Variants in HSPG2 observed in about 807,000 individuals in gnomAD.
HSPG2 encodes heparan sulfate proteoglycan 2, also known as basement membrane-specific heparan sulfate proteoglycan core protein.
Under a neutral mutation model 526.6 loss-of-function variants are expected in HSPG2, and 278 were observed. That is an observed-to-expected ratio of 0.53 (90% CI 0.48 to 0.58). The LOEUF (loss-of-function observed/expected upper bound fraction) is 0.58, where lower values mean the gene tolerates loss of function less well. Ranked by LOEUF, HSPG2 falls within the 20% of genes least tolerant of loss-of-function variation. The pLI, the probability that HSPG2 is intolerant of heterozygous loss-of-function variation, is 0.00. For missense variants in HSPG2, 5,354 were observed against 6,099.5 expected, an observed-to-expected ratio of 0.88 and a Z score of 4.07; for synonymous variants, 2,465 against 2,555.4, an observed-to-expected ratio of 0.96 and a Z score of 1.07.
At position 21,876,382 on chromosome 1, in the gene HSPG2, A is replaced by G. The variant is rs115322282; in HGVS notation, c.2850T>C (p.Pro950=). 6.2e-4 allele frequency: 1,006 copies of G among 1,611,550 alleles called. 5 individuals are homozygous for G. In the African/African-American group the frequency reaches 0.012, roughly 19 times the overall value. Residue 950 remains proline, a synonymous_variant, in exon 23 of 97, where the codon CCT becomes CCC. Coordinates refer to ENST00000374695, the MANE Select transcript of HSPG2 (RefSeq NM_005529.7). ...CGGCGTTGGTCAGGCTGAAGTGACC[A>G]GGCTCCTCAGAGGCCCCATGCAACT... ...RAQLHGASEE[P]GHFSLTNAAS...
At chr1:21,920,186 C>T (rs1488790886) in intron 1 of HSPG2, among the ~76,000 whole-genome samples, 1 of 152,222 alleles carries the variant, frequency 6.6e-6, no homozygotes, top group Non-Finnish European at 1.5e-5. Context: ...GGATTACAGG[C>T]GTGAGCCACC....
chr1:21,832,258 A>C (rs1475309506), intron 81 of HSPG2, among the ~76,000 whole-genome samples: 4 of 152,212 alleles, frequency 2.6e-5, no homozygotes, highest in Admixed American at 6.5e-5. Context: ...TGCATGCATG[A>C]ATGAATGAAT....
chr1:21,823,399 G>A lies in HSPG2; in HGVS notation c.13093C>T (p.Arg4365Ter), dbSNP rs775388269. The A allele has an allele frequency of 3.6e-5, 56 of 1,567,148 alleles. No individual in the cohort carries two copies. The highest frequency in any genetic ancestry group is 8.1e-5 in the African/African-American group (6 of 74,130). Residue 4365 changes from arginine (R) to a stop codon, truncating the protein, a stop_gained, in exon 97 of 97, where the codon CGA becomes TGA. Coordinates refer to ENST00000374695, the MANE Select transcript of HSPG2 (RefSeq NM_005529.7). LOFTEE classifies it high-confidence loss of function. ...CVKNLVLHSARPGAPPPQPLD... is the reference protein window; with the variant it reads ...CVKNLVLHSA ...GGCTGTGGGGGCGGGGCGCCGGGTC[G>A]GGCCGAGTGCAGCACCAGGTTCTTG...
In HSPG2 at chr1:21,864,980, A is replaced by T. The variant is rs138460117; in HGVS notation, c.4489T>A (p.Phe1497Ile). ...DLDELLIRATFSSVPLAASIS... is the reference protein window; with the variant it reads ...DLDELLIRATISSVPLAASIS... ...CTGGCCGCCAGCGGCACGGAGGAGA[A>T]CGTGGCCCGGATCAGGAGCTCATCC... Residue 1497 changes from phenylalanine to isoleucine, a missense_variant, in exon 36 of 97, where the codon TTC becomes ATC. Transcript: ENST00000374695. This position sits in a 1 kb window ranked among gnomAD's most constrained non-coding sequence, Gnocchi z 4.8. The T allele has an allele frequency of 1.8e-3, 2,865 of 1,590,636 alleles. 12 individuals carry two copies. The highest frequency in any genetic ancestry group is 1.8e-3 in the Non-Finnish European group (2,113 of 1,170,624).
chr1:21,826,667 G>C (rs760115376), intron 91 of HSPG2, among the ~76,000 whole-genome samples: 1 of 151,910 alleles, frequency 6.6e-6, no homozygotes, highest in Non-Finnish European at 1.5e-5. Flanking sequence ...GTGCCACCAC[G>C]CCCAGCTAAT....
intron 57 of HSPG2, 111 bp from the exon 58 acceptor site, chr1:21,849,142 T>A (rs1461285817): frequency 1.1e-5 from 14 of 1,311,912 alleles, no homozygotes; most frequent in Non-Finnish European, 1.5e-5. Context: ...TGGAACTCGA[T>A]GGAAACTCTT....
intron 1 of HSPG2, among the ~76,000 whole-genome samples, chr1:21,920,055 C>G (rs55636106): frequency 4.4e-4 from 67 of 152,264 alleles, no homozygotes; most frequent in African/African-American, 1.5e-3. Flanking sequence ...TACAGGCATG[C>G]ACCACCACAC....
rs766686915 is a variant in HSPG2 at position 21,875,656 on chromosome 1, G to A, written c.3275C>T (p.Ser1092Phe). The A allele has an allele frequency of 4.8e-5, 77 of 1,602,690 alleles. 3 individuals are homozygous for A. The South Asian group carries it at 7.7e-4, about 16-fold the overall frequency. The part of the protein sequence containing the change: ...AGIDTLLIRA[S>F]YAQQPAESRV... ...GCTCTCAGCGGGCTGCTGGGCGTAGGATGCTCGGATCAGGAGGGTGTCGAT... is the reference window on the plus strand; with the variant it reads ...GCTCTCAGCGGGCTGCTGGGCGTAGAATGCTCGGATCAGGAGGGTGTCGAT... Residue 1092 changes from serine to phenylalanine, a missense_variant, in exon 25 of 97, where the codon TCC becomes TTC. Transcript: ENST00000374695.
chr1:21,844,020 T>A, intron 65 of HSPG2, 128 bp downstream of exon 65: 1 of 1,278,994 alleles, frequency 7.8e-7, no homozygotes, highest in Non-Finnish European at 1.1e-6. Flanking sequence ...AACTTCCTGA[T>A]TCCATTGACC....
In HSPG2 at chr1:21,864,792, G is replaced by T; in HGVS notation, c.4626+51C>A. 1 of 1,479,878 alleles carries T rather than the reference G, an allele frequency of 6.8e-7. No homozygotes were observed. The highest frequency in any genetic ancestry group is 9.3e-7 in the Non-Finnish European group (1 of 1,074,084). The allele number at this position is 1,479,878 out of a possible 1,614,324, so 91.7% of individuals were successfully genotyped here. A position where few individuals can be genotyped will look rare whatever the true frequency, so the allele number is the denominator to read the frequency against. On this transcript the variant is annotated intron_variant, in intron 36 of 96. Coordinates refer to ENST00000374695, the MANE Select transcript of HSPG2 (RefSeq NM_005529.7). This position sits in a 1 kb window ranked among gnomAD's most constrained non-coding sequence, Gnocchi z 4.8. ...TGCGGCGACGCCGGCTGATTTGCTTGCTGATGCCTCTGTGCCTGTGCAGAG... is the reference window on the plus strand; with the variant it reads ...TGCGGCGACGCCGGCTGATTTGCTTTCTGATGCCTCTGTGCCTGTGCAGAG...
In HSPG2 at chr1:21,887,501, G is replaced by T; in HGVS notation, c.877C>A (p.Arg293Ser). 6.2e-7 allele frequency: 1 copy of T among 1,614,034 alleles called. No homozygotes were observed. ...LPCGPQEAACRNGHCIPRDYL... is the reference protein window; with the variant it reads ...LPCGPQEAACSNGHCIPRDYL... The stretch of plus-strand genomic sequence containing the variant: ...TCTCTGGGGATGCAGTGCCCATTGC[G>T]GCATGCGGCCTCCTGGGGCCCACAG... The change falls in exon 8 of 97, where the codon CGC (arginine) becomes AGC (serine). Residue 293 changes from arginine to serine, a missense_variant. Physicochemically the swap from Arg to Ser is moderately radical, Grantham distance 110. Transcript: ENST00000374695. This position sits in a 1 kb window ranked among gnomAD's most constrained non-coding sequence, Gnocchi z 5.0.
Position 21,890,742 on chromosome 1 carries a change from A to T in HSPG2, c.245-48T>A, listed in dbSNP as rs760522600. On this transcript the variant is annotated intron_variant, in intron 3 of 96. Transcript: ENST00000374695. The surrounding 1 kb of genome is among the most constrained non-coding windows in gnomAD (Gnocchi z 4.1). ...TTTTGAGAGCCCCAGCCTGGCATCT[A>T]GTGGCCTTAGGCAGTTGGACCATTC... is the stretch of plus-strand genomic sequence containing the variant. 7.0e-7 allele frequency: 1 copy of T among 1,423,532 alleles called. No homozygotes were observed. The highest frequency in any genetic ancestry group is 9.9e-7 in the Non-Finnish European group (1 of 1,013,308). 88.2% of individuals were successfully genotyped at this position (1,423,532 alleles called of 1,614,324 possible).
At chr1:21,854,388 C>T in intron 49 of HSPG2, 45 bp from the exon 50 acceptor site, 1 of 1,549,614 alleles carries the variant, frequency 6.5e-7, no homozygotes, top group Non-Finnish European at 8.7e-7. Flanking sequence ...GGGACGGGGG[C>T]TATTGTCACC....
chr1:21,887,976 C>T lies in HSPG2; in HGVS notation c.665G>A (p.Arg222Gln), dbSNP rs762529271. ...CVALEYRCDR[R>Q]PDCRDMSDEL... is the part of the protein sequence containing the mutation. ...ATCAGACATGTCCCTGCAGTCGGGCCGCCGGTCACAGCGATACTCCAGGGC... is the reference window on the plus strand; with the variant it reads ...ATCAGACATGTCCCTGCAGTCGGGCTGCCGGTCACAGCGATACTCCAGGGC... The change falls in exon 7 of 97, where the codon CGG becomes CAG. Residue 222 changes from arginine to glutamine, a missense_variant. Arg to Gln is a conservative substitution (Grantham distance 43). Coordinates refer to ENST00000374695, the MANE Select transcript of HSPG2 (RefSeq NM_005529.7). The surrounding 1 kb of genome is among the most constrained non-coding windows in gnomAD (Gnocchi z 5.0). 3.6e-5 allele frequency: 58 copies of T among 1,614,068 alleles called. 1 individual carries two copies. Among genetic ancestry groups the T allele is most frequent in the South Asian group, 9.9e-5 (9 of 91,088 alleles).
chr1:21,905,259 ACC>A (rs1643316116), intron 1 of HSPG2, among the ~76,000 whole-genome samples: 1 of 133,362 alleles, frequency 7.5e-6, no homozygotes, highest in Non-Finnish European at 1.7e-5. Context: ...ACCCACACAC[ACC>A]CACACACACA....
rs1014626423 is a variant in HSPG2, at chr1:21,855,536, C to A, written c.5841G>T (p.Val1947=). 7 of 1,607,724 alleles carry A rather than the reference C, an allele frequency of 4.4e-6. No homozygotes were observed. The African/African-American group carries it at 8.0e-5, about 18-fold the overall frequency. ...CCGGCCTCTCACCATGCACGTGGAG[C>A]ACAGCCCTGGCCACCTGCTGCCCAG... ...SSAGQQVARA[V]LHVHGGGGPR... The change falls in exon 46 of 97, where the codon GTG becomes GTT. Residue 1947 remains valine (V), a synonymous_variant. Coordinates refer to ENST00000374695, the MANE Select transcript of HSPG2 (RefSeq NM_005529.7).
At position 21,880,401 on chromosome 1, in the gene HSPG2, G is replaced by C. The variant is rs758792000; in HGVS notation, c.2157C>G (p.Ala719=). 3.7e-6 allele frequency: 6 copies of C among 1,614,126 alleles called. No individual in the cohort carries two copies. Among genetic ancestry groups the C allele is most frequent in the Non-Finnish European group, 5.1e-6 (6 of 1,180,028 alleles). Residue 719 remains alanine, a synonymous_variant, in exon 16 of 97, where the codon GCC becomes GCG. Transcript: ENST00000374695. ...CACTGTGGGCACGGCCATGGCTGGTGGCATGGGTGACGGTGGTATCCATGG... is the reference window on the plus strand; with the variant it reads ...CACTGTGGGCACGGCCATGGCTGGTCGCATGGGTGACGGTGGTATCCATGG... ...DIAMDTTVTH[A]TSHGRAHSVE...
intron 1 of HSPG2, among the ~76,000 whole-genome samples, chr1:21,929,187 G>A (rs182251900): frequency 4.0e-4 from 61 of 152,288 alleles, no homozygotes; most frequent in African/African-American, 1.3e-3. Flanking sequence ...AAATCTACAA[G>A]CCATGAGCTC....
intron 33 of HSPG2, chr1:21,869,694 A>G: frequency 1.0e-6 from 1 of 986,136 alleles, no homozygotes; most frequent in Non-Finnish European, 1.2e-6. Context: ...GAGCGGCAGA[A>G]GGGAGCAGAG....
Sources: allele counts gnomAD v4.1 joint callset (sites outside exome capture counted in the v4.1 genomes callset), GRCh38; gene constraint gnomAD v4.1.1; non-coding constraint Gnocchi (gnomAD v3.1); transcripts MANE v1.5; gene names NCBI Gene and HGNC (gene_info 2026-07-23, HGNC 2026-07-21).